Variants in MACROD2 observed in about 807,000 individuals in gnomAD.
The protein encoded by MACROD2 is ADP-ribose glycohydrolase MACROD2.
MACROD2 carries 36 observed loss-of-function variants against 70.4 expected under a neutral mutation model. The observed-to-expected ratio is 0.51, with a 90% CI of 0.39 to 0.68. The LOEUF (loss-of-function observed/expected upper bound fraction) is 0.68, where lower values mean the gene tolerates loss of function less well. Among genes scored for constraint, MACROD2 ranks in the 30% least tolerant of loss-of-function variants. The pLI, the probability that MACROD2 is intolerant of heterozygous loss-of-function variation, is 0.00. For missense variants in MACROD2, 496 were observed against 538.4 expected, an observed-to-expected ratio of 0.92 and a Z score of 0.78; for synonymous variants, 172 against 178.8, an observed-to-expected ratio of 0.96 and a Z score of 0.30.
At chr20:15,756,082 A>T (rs1000658392) in intron 8 of MACROD2, among the ~76,000 whole-genome samples, 4 of 152,168 alleles carry the variant, frequency 2.6e-5, no homozygotes, top group African/African-American at 7.2e-5. Flanking sequence ...CATTGTCCAC[A>T]CACCATCCCT....
intron 5 of MACROD2, among the ~76,000 whole-genome samples, chr20:14,890,242 T>C (rs2073737254): frequency 6.6e-6 from 1 of 151,750 alleles, no homozygotes; most frequent in Admixed American, 6.6e-5. Context: ...AAGTAGGAGG[T>C]ATTTCAAGTC....
chr20:15,713,155 A>G (rs2050653319), intron 8 of MACROD2, among the ~76,000 whole-genome samples: 1 of 152,270 alleles, frequency 6.6e-6, no homozygotes, highest in African/African-American at 2.4e-5. Flanking sequence ...GTTTAAAAAT[A>G]TATGGTGCTG....
At chr20:15,062,065 C>T (rs1453524891) in intron 5 of MACROD2, among the ~76,000 whole-genome samples, 3 of 152,080 alleles carry the variant, frequency 2.0e-5, no homozygotes, top group Non-Finnish European at 2.9e-5. Context: ...TGCCCTGGGT[C>T]CTAGTGGTCA....
intron 5 of MACROD2, among the ~76,000 whole-genome samples, chr20:15,209,141 A>ATTTATTTT (rs2076739324): frequency 7.1e-6 from 1 of 141,614 alleles, no homozygotes; most frequent in African/African-American, 2.7e-5. Flanking sequence ...TTATTTATTT[A>ATTTATTTT]TTTATTTTTT....
At chr20:15,494,765 G>GT (rs1257480125) in intron 7 of MACROD2, among the ~76,000 whole-genome samples, 2 of 22,840 alleles carry the variant, frequency 8.8e-5, no homozygotes, top group African/African-American at 2.6e-4. Flanking sequence ...GTGTGTGTGC[G>GT]CGTGTGTGTG....
chr20:14,698,419 G>T lies in MACROD2; in HGVS notation c.418+13460G>T, dbSNP rs553716886. Among the ~76,000 whole-genome samples, 287 of 152,196 alleles carry T rather than the reference G, an allele frequency of 1.9e-3. 1 individual carries two copies. Among genetic ancestry groups the T allele is most frequent in the Non-Finnish European group, 3.7e-3 (250 of 68,018 alleles). On this transcript the variant is annotated intron_variant, in intron 5 of 17. Coordinates refer to ENST00000684519, the MANE Select transcript of MACROD2 (RefSeq NM_001351661.2). ...GGGAGGCTCTCATGAGTTAATGTCTGTGTGGCACTCAGAGCACTGCTTAAC... is the reference window on the plus strand; with the variant it reads ...GGGAGGCTCTCATGAGTTAATGTCTTTGTGGCACTCAGAGCACTGCTTAAC...
At position 15,813,274 on chromosome 20, in the gene MACROD2, G is replaced by A. The variant is rs6043554; in HGVS notation, c.646-49471G>A. On this transcript the variant is annotated intron_variant, in intron 8 of 17. Transcript: ENST00000684519. The stretch of plus-strand genomic sequence containing the variant: ...TCATCTGAAATTCTGTTGCTTACAC[G>A]TCTTGCTACTTCTTAAGCTCACTTT... Among the ~76,000 whole-genome samples the A allele has an allele frequency of 2.0e-3, 305 of 152,164 alleles. 2 individuals are homozygous for A. The highest frequency in any genetic ancestry group is 7.0e-3 in the African/African-American group (290 of 41,508).
intron 7 of MACROD2, among the ~76,000 whole-genome samples, chr20:15,487,339 C>T (rs369555008): frequency 5.9e-5 from 9 of 152,322 alleles, no homozygotes; most frequent in African/African-American, 2.2e-4. Context: ...TCTGACTCAA[C>T]ACTGGAATTT....
intron 3 of MACROD2, among the ~76,000 whole-genome samples, chr20:14,292,273 G>A (rs553977875): frequency 6.6e-6 from 1 of 151,774 alleles, no homozygotes; most frequent in Non-Finnish European, 1.5e-5. Flanking sequence ...CTCACCTGGG[G>A]GTAATTTTGT....
rs149788045 is a variant in MACROD2 at position 15,040,787 on chromosome 20, A to G, written c.419-189153A>G. Among the ~76,000 whole-genome samples, 782 of 152,262 alleles carry G rather than the reference A, an allele frequency of 5.1e-3. 7 individuals carry two copies. The highest frequency in any genetic ancestry group is 0.038 in the South Asian group (184 of 4,824). On this transcript the variant is annotated intron_variant, in intron 5 of 17. Transcript: ENST00000684519. The stretch of plus-strand genomic sequence containing the variant: ...TCAATGTTTTGGGGCTGAATTGTTC[A>G]TTGTGGCAATTTGTAATATTTGTAA...
At chr20:14,382,817 G>C (rs2083436522) in intron 3 of MACROD2, among the ~76,000 whole-genome samples, 1 of 152,024 alleles carries the variant, frequency 6.6e-6, no homozygotes, top group African/African-American at 2.4e-5. Context: ...ACCACCTTCA[G>C]AACTTTTACC....
At chr20:14,177,976 G>C (rs1050630013) in intron 3 of MACROD2, among the ~76,000 whole-genome samples, 3 of 151,924 alleles carry the variant, frequency 2.0e-5, no homozygotes, top group African/African-American at 4.8e-5. Context: ...AAAATCAGAG[G>C]CAATAAAAGA....
intron 8 of MACROD2, among the ~76,000 whole-genome samples, chr20:15,781,547 C>G (rs2051831899): frequency 6.6e-6 from 1 of 152,164 alleles, no homozygotes; most frequent in South Asian, 2.1e-4. Context: ...CTTCTTCTTG[C>G]TGCATCTCTG....
Position 15,987,049 on chromosome 20 carries a change from T to C in MACROD2, c.1061-17T>C, listed in dbSNP as rs369104696. On this transcript the variant is annotated splice_polypyrimidine_tract_variant and intron_variant, in intron 14 of 17. Transcript: ENST00000684519. ...ACTAAAACAACCCTGAGTGTCCATC[T>C]GTCTCATTCTATTTAGAACTTTCAT... 3.8e-6 allele frequency: 6 copies of C among 1,590,054 alleles called. No individual in the cohort carries two copies. In the African/African-American group the frequency reaches 8.1e-5, roughly 22 times the overall value.
chr20:14,245,357 C>T (rs1157067982), intron 3 of MACROD2, among the ~76,000 whole-genome samples: 3 of 92,126 alleles, frequency 3.3e-5, no homozygotes, highest in South Asian at 4.3e-4. Flanking sequence ...AGCTAGACTT[C>T]GTCTCAAAAA....
chr20:15,288,745 A>G (rs1452224317), intron 6 of MACROD2, among the ~76,000 whole-genome samples: 1 of 152,214 alleles, frequency 6.6e-6, no homozygotes, highest in East Asian at 1.9e-4. Flanking sequence ...GAGTCATGCT[A>G]CTGACTTCCC....
chr20:14,491,551 C>G (rs968339865), intron 3 of MACROD2, among the ~76,000 whole-genome samples: 2 of 152,116 alleles, frequency 1.3e-5, no homozygotes, highest in African/African-American at 4.8e-5. Flanking sequence ...ACACAGTTGA[C>G]ATAAACTAAC....
intron 10 of MACROD2, among the ~76,000 whole-genome samples, chr20:15,896,685 A>C (rs2064978466): frequency 6.6e-6 from 1 of 152,208 alleles, no homozygotes; most frequent in African/African-American, 2.4e-5. Context: ...TATCTCGCTA[A>C]GATACTGAAC....
chr20:14,666,876 A>T (rs956368753), intron 4 of MACROD2, among the ~76,000 whole-genome samples: 1 of 151,826 alleles, frequency 6.6e-6, no homozygotes, highest in Non-Finnish European at 1.5e-5. Flanking sequence ...TTATCGCATT[A>T]TAACTCTTTC....
Sources: gnomAD v4.1 joint callset for allele counts (sites outside exome capture counted in the v4.1 genomes callset) on GRCh38, gnomAD v4.1.1 for gene constraint, MANE v1.5 for transcripts, NCBI Gene and HGNC (gene_info 2026-07-23, HGNC 2026-07-21) for gene names.